The following TNFSF4 variants were observed in gnomAD, a reference collection of about 807,000 sequenced individuals.
TNFSF4 encodes tumor necrosis factor ligand superfamily member 4.
In TNFSF4, 4 loss-of-function variants were observed where a neutral mutation model predicts 7.3. That is an observed-to-expected ratio of 0.55 (90% CI 0.27 to 1.25). The LOEUF (loss-of-function observed/expected upper bound fraction) is 1.25, where lower values mean the gene tolerates loss of function less well. TNFSF4 is among the 50% of genes most tolerant of loss of function. TNFSF4 has a pLI of 0.12. For synonymous variants in TNFSF4, 76 were observed against 83.7 expected (o/e 0.91, Z 0.50); for missense variants, 181 against 208.8 (o/e 0.87, Z 0.82).
the TNFSF4 span, among the ~76,000 whole-genome samples, chr1:173,284,922 T>C: frequency 1.3e-5 from 2 of 152,318 alleles, no homozygotes; most frequent in Non-Finnish European, 2.9e-5. Flanking sequence ...ACAACATTTA[T>C]TCTGCAGTCC....
the TNFSF4 span, among the ~76,000 whole-genome samples, chr1:173,291,914 T>G: frequency 6.6e-6 from 1 of 151,692 alleles, no homozygotes; most frequent in Non-Finnish European, 1.5e-5. Flanking sequence ...AATAGATAAA[T>G]TCCTGAACAC....
chr1:173,174,452 A>G, the TNFSF4 span: 1 of 152,198 alleles, frequency 6.6e-6, no homozygotes, highest in Non-Finnish European at 1.5e-5. Flanking sequence ...TCATGCTGCT[A>G]TAAAGAACTG....
At chr1:173,178,797 A>C (rs1436703239), downstream of TNFSF4, among the ~76,000 whole-genome samples, 1 of 152,168 alleles carries the variant, frequency 6.6e-6, no homozygotes, top group Non-Finnish European at 1.5e-5. Context: ...GACTTTGCAG[A>C]CACCATTAAG....
intron 1 of TNFSF4, among the ~76,000 whole-genome samples, chr1:173,190,961 T>C (rs1649452421): frequency 6.6e-6 from 1 of 152,210 alleles, no homozygotes; most frequent in Non-Finnish European, 1.5e-5. Context: ...TTCCATGATT[T>C]AGATTTTAGA....
chr1:173,281,341 A>C, the TNFSF4 span, among the ~76,000 whole-genome samples: 6 of 152,190 alleles, frequency 3.9e-5, no homozygotes, highest in Non-Finnish European at 7.4e-5. Flanking sequence ...AAACTTAGTA[A>C]AGATGTTTAG....
chr1:173,219,966 G>A, the TNFSF4 span, among the ~76,000 whole-genome samples: 1 of 151,910 alleles, frequency 6.6e-6, no homozygotes, highest in South Asian at 2.1e-4. Context: ...CGGGTGATGG[G>A]TGCACCAAAG....
chr1:173,276,371 C>T, the TNFSF4 span, among the ~76,000 whole-genome samples: 1 of 152,274 alleles, frequency 6.6e-6, no homozygotes, highest in Non-Finnish European at 1.5e-5. Flanking sequence ...ACCTCTACCA[C>T]ACAGTCTCAG....
chr1:173,312,578 G>A, the TNFSF4 span, among the ~76,000 whole-genome samples: 1 of 152,032 alleles, frequency 6.6e-6, no homozygotes, highest in East Asian at 1.9e-4. Flanking sequence ...TACTAATGAA[G>A]ATAATGTTGA....
the TNFSF4 span, among the ~76,000 whole-genome samples, chr1:173,249,711 G>C: frequency 3.9e-5 from 6 of 152,284 alleles, no homozygotes; most frequent in East Asian, 7.7e-4. Flanking sequence ...ACAGCTTCCT[G>C]CCTTTAGCAG....
chr1:173,183,121 C>T (rs1404514326), downstream of TNFSF4, among the ~76,000 whole-genome samples: 1 of 152,134 alleles, frequency 6.6e-6, no homozygotes, highest in African/African-American at 2.4e-5. Flanking sequence ...TGCCAGATTG[C>T]AGTTTCTGCT....
the TNFSF4 span, among the ~76,000 whole-genome samples, chr1:173,319,837 A>T: frequency 6.6e-6 from 1 of 152,108 alleles, no homozygotes; most frequent in Admixed American, 6.5e-5. Context: ...CCCCACAAAA[A>T]CCCCATCCAA....
the TNFSF4 span, among the ~76,000 whole-genome samples, chr1:173,271,790 C>T: frequency 6.6e-6 from 1 of 152,060 alleles, no homozygotes; most frequent in African/African-American, 2.4e-5. Context: ...GACAGTGTGG[C>T]GATTCCTCAA....
chr1:173,403,036 G>A, the TNFSF4 span, among the ~76,000 whole-genome samples: 1 of 151,978 alleles, frequency 6.6e-6, no homozygotes, highest in Non-Finnish European at 1.5e-5. Context: ...ATTTTTTGTA[G>A]AGATGGTATC....
the TNFSF4 span, among the ~76,000 whole-genome samples, chr1:173,370,104 C>T: frequency 0.015 from 2,211 of 152,186 alleles, 55 homozygotes; most frequent in African/African-American, 0.051. Context: ...ATCCCCTTCT[C>T]CCTCTCTGAT....
At chr1:173,175,148 C>G in the TNFSF4 span, 2 of 152,136 alleles carry the variant, frequency 1.3e-5, no homozygotes, top group Non-Finnish European at 2.9e-5. Context: ...TCAAAACAAT[C>G]CTATGAGATA....
the TNFSF4 span, among the ~76,000 whole-genome samples, chr1:173,442,915 C>T: frequency 6.6e-6 from 1 of 151,898 alleles, no homozygotes; most frequent in Non-Finnish European, 1.5e-5. Flanking sequence ...AAACTCCTGA[C>T]CTCAGGTGAT....
chr1:173,272,144 C>T, the TNFSF4 span, among the ~76,000 whole-genome samples: 1 of 151,984 alleles, frequency 6.6e-6, no homozygotes, highest in East Asian at 1.9e-4. Context: ...GGGAATTGAA[C>T]AATGAGAACA....
chr1:173,313,075 A>G, the TNFSF4 span, among the ~76,000 whole-genome samples: 1 of 152,132 alleles, frequency 6.6e-6, no homozygotes, highest in East Asian at 1.9e-4. Flanking sequence ...GTACTAGTGG[A>G]TATTCCCTTC....
chr1:173,248,435 AAGAG>A, the TNFSF4 span, among the ~76,000 whole-genome samples: 5 of 150,964 alleles, frequency 3.3e-5, no homozygotes, highest in Non-Finnish European at 5.9e-5. Flanking sequence ...GGGAGAAAGA[AAGAG>A]AGGAGAAAGA....
Sources: allele counts gnomAD v4.1 joint callset (sites outside exome capture counted in the v4.1 genomes callset), GRCh38; gene constraint gnomAD v4.1.1; transcripts MANE v1.5; gene names NCBI Gene and HGNC (gene_info 2026-07-23, HGNC 2026-07-21).